RIT2: variants seen among roughly 807,000 people sequenced by gnomAD.
The protein encoded by RIT2 is Ras like without CAAX 2.
RIT2 carries 24 observed loss-of-function variants against 23.7 expected under a neutral mutation model. The observed-to-expected ratio is 1.01, with a 90% CI of 0.73 to 1.43. The LOEUF is 1.43. Among genes scored for constraint, RIT2 ranks in the 40% most tolerant of loss-of-function variants. RIT2 has a pLI of 0.00. For synonymous variants in RIT2, 107 were observed against 91.1 expected (o/e 1.17, Z -0.99); for missense variants, 236 against 266.9 (o/e 0.88, Z 0.81).
At chr18:42,935,462 G>T (rs1048545702) in intron 3 of RIT2, among the ~76,000 whole-genome samples, 1 of 152,062 alleles carries the variant, frequency 6.6e-6, no homozygotes, top group African/African-American at 2.4e-5. Context: ...GATACCGCAG[G>T]GTTGGTTAAC....
chr18:43,087,114 G>A (rs1913302296), intron 1 of RIT2, among the ~76,000 whole-genome samples: 2 of 151,938 alleles, frequency 1.3e-5, no homozygotes, highest in African/African-American at 4.8e-5. Flanking sequence ...GCTGGGTGTG[G>A]TAGCAGGCAT....
At chr18:42,823,849 T>C (rs999312988) in intron 4 of RIT2, among the ~76,000 whole-genome samples, 5 of 152,090 alleles carry the variant, frequency 3.3e-5, no homozygotes, top group Admixed American at 1.3e-4. Context: ...AGAACTGAGA[T>C]TGAAGCTCAT....
At chr18:43,105,490 G>GAAGAGAGGAAGAGAGGAAGGA (rs1568083814) in intron 1 of RIT2, among the ~76,000 whole-genome samples, 3 of 118,310 alleles carry the variant, frequency 2.5e-5, no homozygotes, top group African/African-American at 9.9e-5. Context: ...GGGAGGAAGG[G>GAAGAGAGGAAGAGAGGAAGGA]AGGAAGAAAG....
chr18:43,068,938 A>T (rs1250838746), intron 1 of RIT2, among the ~76,000 whole-genome samples: 1 of 152,056 alleles, frequency 6.6e-6, no homozygotes, highest in Non-Finnish European at 1.5e-5. Context: ...GCTAGGAAAA[A>T]TGAGGCTGGG....
At chr18:43,057,726 A>T (rs1912539165) in intron 1 of RIT2, among the ~76,000 whole-genome samples, 1 of 151,534 alleles carries the variant, frequency 6.6e-6, no homozygotes, top group Non-Finnish European at 1.5e-5. Context: ...ACCCAGGAAC[A>T]TCAAATAATT....
chr18:42,924,228 G>A (rs1909127129), intron 3 of RIT2, among the ~76,000 whole-genome samples: 2 of 152,006 alleles, frequency 1.3e-5, no homozygotes, highest in Non-Finnish European at 2.9e-5. Context: ...CGTCTGCCAA[G>A]GAATCTGGGG....
intron 4 of RIT2, among the ~76,000 whole-genome samples, chr18:42,906,269 A>G (rs1045365909): frequency 6.6e-6 from 1 of 152,034 alleles, no homozygotes; most frequent in African/African-American, 2.4e-5. Flanking sequence ...CAACAAAATA[A>G]TACAAATTTT....
chr18:42,901,958 G>A (rs1377827685), intron 4 of RIT2, among the ~76,000 whole-genome samples: 2 of 151,816 alleles, frequency 1.3e-5, no homozygotes, highest in Admixed American at 6.6e-5. Context: ...CAGATTGAAT[G>A]AAGATGCAGA....
chr18:42,889,793 GT>G (rs763079915), intron 4 of RIT2, among the ~76,000 whole-genome samples: 16 of 152,192 alleles, frequency 1.1e-4, no homozygotes, highest in African/African-American at 3.1e-4. Flanking sequence ...AGACATGTGT[GT>G]TGACAACGAA....
chr18:42,990,908 T>TTTTG (rs1162625864), intron 2 of RIT2, among the ~76,000 whole-genome samples: 1 of 73,124 alleles, frequency 1.4e-5, no homozygotes, highest in East Asian at 4.4e-4. Flanking sequence ...GCTACACTGG[T>TTTTG]TTTGTTTTTT....
chr18:42,931,967 T>G (rs1489448154), intron 3 of RIT2, among the ~76,000 whole-genome samples: 1 of 152,164 alleles, frequency 6.6e-6, no homozygotes, highest in Non-Finnish European at 1.5e-5. Flanking sequence ...CTGAAAAAGC[T>G]TCACCATCCA....
At chr18:42,995,235 T>A (rs1910952448) in intron 2 of RIT2, among the ~76,000 whole-genome samples, 1 of 152,128 alleles carries the variant, frequency 6.6e-6, no homozygotes. Flanking sequence ...TTCCCAGTGT[T>A]CCATCTGCTA....
At chr18:43,034,934 A>G (rs1911940799) in intron 1 of RIT2, among the ~76,000 whole-genome samples, 1 of 152,082 alleles carries the variant, frequency 6.6e-6, no homozygotes, top group Admixed American at 6.5e-5. Context: ...TGCCTTGCCT[A>G]TACATCTCTG....
intron 3 of RIT2, among the ~76,000 whole-genome samples, chr18:42,927,396 G>GTGTGTGTT (rs1909210138): frequency 6.6e-6 from 1 of 151,422 alleles, no homozygotes. Context: ...GTGTGTGTGT[G>GTGTGTGTT]TGTGTGTGTA....
At chr18:42,785,620 C>T (rs1913904976) in intron 4 of RIT2, among the ~76,000 whole-genome samples, 1 of 152,062 alleles carries the variant, frequency 6.6e-6, no homozygotes, top group Admixed American at 6.6e-5. Flanking sequence ...TGAGGTTATT[C>T]TGTTTATGAG....
intron 4 of RIT2, among the ~76,000 whole-genome samples, chr18:42,768,054 G>T (rs1913467831): frequency 6.6e-6 from 1 of 151,738 alleles, no homozygotes; most frequent in African/African-American, 2.4e-5. Context: ...ATGTATATAT[G>T]TAGTAATATA....
intron 1 of RIT2, among the ~76,000 whole-genome samples, chr18:43,107,722 C>A (rs973852512): frequency 6.6e-6 from 1 of 152,148 alleles, no homozygotes; most frequent in Non-Finnish European, 1.5e-5. Context: ...CAGTCTTTGG[C>A]ACCTCCATGC....
chr18:43,048,800 A>G (rs913273470), intron 1 of RIT2, among the ~76,000 whole-genome samples: 9 of 152,160 alleles, frequency 5.9e-5, no homozygotes, highest in African/African-American at 2.2e-4. Flanking sequence ...ATCTGTTTGA[A>G]ATATTACATT....
chr18:42,935,584 G>T (rs41398744), intron 3 of RIT2, among the ~76,000 whole-genome samples: 6,278 of 152,176 alleles, frequency 0.041, 195 homozygotes, highest in Non-Finnish European at 0.059. Flanking sequence ...AACTTGTCTA[G>T]TGTGTTCATC....
Sources: gnomAD v4.1 joint callset for allele counts (sites outside exome capture counted in the v4.1 genomes callset) on GRCh38, gnomAD v4.1.1 for gene constraint, MANE v1.5 for transcripts, NCBI Gene and HGNC (gene_info 2026-07-23, HGNC 2026-07-21) for gene names.